Variants in LRRTM4 observed in about 807,000 individuals in gnomAD.
LRRTM4 encodes the protein leucine-rich repeat transmembrane neuronal protein 4.
LRRTM4 carries 25 observed loss-of-function variants against 47.6 expected under a neutral mutation model. The ratio of observed to expected loss-of-function variants is 0.53; its 90% CI spans 0.38 to 0.73. The LOEUF (loss-of-function observed/expected upper bound fraction) is 0.73. Ranked by LOEUF, LRRTM4 falls within the 30% of genes least tolerant of loss-of-function variation. The probability of loss-of-function intolerance (pLI) is 0.00; values close to 1 mark genes in which losing one functional copy is unlikely to be tolerated. For synonymous variants in LRRTM4, 311 were observed against 269.5 expected, an observed-to-expected ratio of 1.15 and a Z score of -1.51; for missense variants, 638 against 713.4, an observed-to-expected ratio of 0.89 and a Z score of 1.20.
At chr2:77,004,239 C>G (rs959991649) in intron 3 of LRRTM4, among the ~76,000 whole-genome samples, 5 of 152,142 alleles carry the variant, frequency 3.3e-5, no homozygotes, top group African/African-American at 1.2e-4. Flanking sequence ...TCCCCAACCC[C>G]CATCATAAGC....
intron 3 of LRRTM4, among the ~76,000 whole-genome samples, chr2:77,088,061 A>G (rs1680784740): frequency 6.6e-6 from 1 of 152,232 alleles, no homozygotes; most frequent in South Asian, 2.1e-4. Flanking sequence ...TGAATGTGTC[A>G]CTGAGCTAGC....
chr2:76,956,135 T>C (rs932843427), intron 3 of LRRTM4, among the ~76,000 whole-genome samples: 7 of 151,458 alleles, frequency 4.6e-5, no homozygotes, highest in African/African-American at 1.7e-4. Context: ...AAAAAAGATA[T>C]CCCATACAAA....
intron 3 of LRRTM4, among the ~76,000 whole-genome samples, chr2:77,140,677 A>G (rs1188315057): frequency 1.3e-5 from 2 of 152,206 alleles, no homozygotes; most frequent in African/African-American, 4.8e-5. Flanking sequence ...CTACCATCAC[A>G]GTGAACAGGC....
At chr2:77,143,234 C>T (rs1672172686) in intron 3 of LRRTM4, among the ~76,000 whole-genome samples, 1 of 152,156 alleles carries the variant, frequency 6.6e-6, no homozygotes, top group Admixed American at 6.5e-5. Context: ...GATTGGATAA[C>T]TTTTAAATCT....
chr2:76,969,262 A>G (rs887045175), intron 3 of LRRTM4, among the ~76,000 whole-genome samples: 1 of 151,836 alleles, frequency 6.6e-6, no homozygotes, highest in Non-Finnish European at 1.5e-5. Flanking sequence ...TGGAAATTAA[A>G]CTTTATTCTA....
chr2:76,902,653 G>C (rs1169294616), intron 3 of LRRTM4, among the ~76,000 whole-genome samples: 2 of 152,164 alleles, frequency 1.3e-5, no homozygotes, highest in African/African-American at 4.8e-5. Flanking sequence ...ACTTTTCCTG[G>C]ATGAGGTATT....
In LRRTM4 at chr2:76,873,506, G is replaced by GTATATATA. The variant is rs58469429; in HGVS notation, c.1552-124598_1552-124591dup. ...TATGTGTGTGTGTATATATATGTGT[G>GTATATATA]TATATATATATATATATATATATAT... On this transcript the variant is annotated intron_variant, in intron 3 of 3. Coordinates refer to ENST00000409884, the MANE Select transcript of LRRTM4 (RefSeq NM_001134745.3). Among the ~76,000 whole-genome samples the GTATATATA allele has an allele frequency of 2.0e-3, 229 of 112,292 alleles. 1 individual carries two copies. Among genetic ancestry groups the GTATATATA allele is most frequent in the East Asian group, 8.6e-3 (34 of 3,966 alleles). 73.7% of individuals were successfully genotyped at this position (112,292 alleles called of 152,430 possible).
At chr2:77,230,469 T>C (rs1674932383) in intron 3 of LRRTM4, among the ~76,000 whole-genome samples, 1 of 152,148 alleles carries the variant, frequency 6.6e-6, no homozygotes, top group Admixed American at 6.6e-5. Context: ...TGTAGTGATA[T>C]AAAACTCTGT....
intron 3 of LRRTM4, among the ~76,000 whole-genome samples, chr2:76,825,673 CA>C (rs1052187480): frequency 1.3e-5 from 2 of 151,498 alleles, no homozygotes; most frequent in Non-Finnish European, 3.0e-5. Context: ...AAGAAAAAGG[CA>C]GAGCTAAAAA....
intron 3 of LRRTM4, among the ~76,000 whole-genome samples, chr2:77,426,355 A>G (rs965296088): frequency 1.3e-5 from 2 of 152,128 alleles, no homozygotes; most frequent in African/African-American, 4.8e-5. Flanking sequence ...CCTGCAGTCC[A>G]TTCTTTGCAC....
chr2:77,453,483 T>G lies in LRRTM4; in HGVS notation c.1551+64835A>C, dbSNP rs569082048. 1.8e-3 allele frequency among the ~76,000 whole-genome samples: 271 copies of G among 152,234 alleles called. 4 individuals are homozygous for G. In the South Asian group the frequency reaches 0.026, roughly 15 times the overall value. On this transcript the variant is annotated intron_variant, in intron 3 of 3. Coordinates refer to ENST00000409884, the MANE Select transcript of LRRTM4 (RefSeq NM_001134745.3). ...GCGTGAGCTACAGTGCCCAGACTCT[T>G]CTTGAATTTTTATTTTATTTGCAAT... is the stretch of plus-strand genomic sequence containing the variant.
intron 3 of LRRTM4, among the ~76,000 whole-genome samples, chr2:77,217,446 T>TATATATATATATATAC (rs1674486354): frequency 1.5e-5 from 2 of 130,692 alleles, no homozygotes; most frequent in Non-Finnish European, 3.2e-5. Context: ...ATGAAATATA[T>TATATATATATATATAC]ATATATATAT....
At chr2:76,961,969 G>T (rs923896774) in intron 3 of LRRTM4, among the ~76,000 whole-genome samples, 1 of 151,162 alleles carries the variant, frequency 6.6e-6, no homozygotes, top group African/African-American at 2.4e-5. Flanking sequence ...TATGAATATA[G>T]TATTTCTGGT....
chr2:77,476,622 A>G (rs1333761031), intron 3 of LRRTM4, among the ~76,000 whole-genome samples: 1 of 152,158 alleles, frequency 6.6e-6, no homozygotes, highest in African/African-American at 2.4e-5. Context: ...GAAAATCTTT[A>G]CTATGGTAGA....
intron 3 of LRRTM4, among the ~76,000 whole-genome samples, chr2:77,247,053 T>G (rs1288285843): frequency 6.6e-6 from 1 of 152,082 alleles, no homozygotes. Flanking sequence ...ACCTCTGTGA[T>G]CTATGCAATT....
intron 3 of LRRTM4, among the ~76,000 whole-genome samples, chr2:77,183,973 C>T (rs1043738921): frequency 2.0e-5 from 3 of 151,974 alleles, no homozygotes; most frequent in African/African-American, 4.8e-5. Flanking sequence ...AGGAGATATA[C>T]CTAATGCTAA....
At chr2:77,506,078 A>G (rs551209177) in intron 3 of LRRTM4, among the ~76,000 whole-genome samples, 1 of 151,818 alleles carries the variant, frequency 6.6e-6, no homozygotes, top group East Asian at 1.9e-4. Context: ...CTTAAAATAT[A>G]TTGTAAACTA....
chr2:76,788,655 A>G (rs958738896), intron 3 of LRRTM4, among the ~76,000 whole-genome samples: 5 of 152,202 alleles, frequency 3.3e-5, no homozygotes, highest in Non-Finnish European at 7.3e-5. Context: ...GGTAATCATA[A>G]GAGAGAAAAG....
rs1675218974 is a variant in LRRTM4 at position 76,943,430 on chromosome 2, G to T, written c.1552-194514C>A. The stretch of plus-strand genomic sequence containing the variant: ...CCGCCTGGCAACAAAGCAAAACTCC[G>T]TCTCAAAACAAAAAAATAAATTAAT... On this transcript the variant is annotated intron_variant, in intron 3 of 3. Transcript: ENST00000409884. 2.0e-5 allele frequency among the ~76,000 whole-genome samples: 3 copies of T among 151,952 alleles called. No individual in the cohort carries two copies. In the South Asian group the frequency reaches 6.2e-4, roughly 32 times the overall value.
Sources: allele counts gnomAD v4.1 joint callset (sites outside exome capture counted in the v4.1 genomes callset), GRCh38; gene constraint gnomAD v4.1.1; transcripts MANE v1.5; gene names NCBI Gene and HGNC (gene_info 2026-07-23, HGNC 2026-07-21).